SLC7A4: variants seen among roughly 807,000 people sequenced by gnomAD.
SLC7A4 encodes the protein cationic amino acid transporter 4.
SLC7A4 carries 30 observed loss-of-function variants against 37.8 expected under a neutral mutation model. That is an observed-to-expected ratio of 0.79 (90% CI 0.59 to 1.08). The LOEUF (loss-of-function observed/expected upper bound fraction) is 1.08, where lower values mean the gene tolerates loss of function less well. Among genes scored for constraint, SLC7A4 ranks in the 50% least tolerant of loss-of-function variants. SLC7A4 has a pLI of 0.00. For synonymous variants in SLC7A4, 359 were observed against 376.5 expected (o/e 0.95, Z 0.54); for missense variants, 839 against 843.2 (o/e 1.00, Z 0.06).
At position 21,031,627 on chromosome 22, in the gene SLC7A4, C is replaced by G. The variant is rs915109875; in HGVS notation, c.186G>C (p.Val62=). ...GSGLYVLTGA[V]AKEVAGPAVL... ...CAGCAGGGCCAGCCACCTCCTTGGC[C>G]ACGGCACCTGTGAGCACGTAGAGAC... Residue 62 remains valine, a synonymous_variant, in exon 2 of 5, where the codon GTG becomes GTC. Transcript: ENST00000382932. The G allele has an allele frequency of 6.2e-7, 1 of 1,609,326 alleles. No individual in the cohort carries two copies. The highest frequency in any genetic ancestry group is 8.5e-7 in the Non-Finnish European group (1 of 1,177,888).
Position 21,031,720 on chromosome 22 carries a change from C to T in SLC7A4, c.93G>A (p.Thr31=), listed in dbSNP as rs746364397. The T allele has an allele frequency of 1.6e-5, 25 of 1,612,144 alleles. No homozygotes were observed. The highest frequency in any genetic ancestry group is 2.2e-5 in the East Asian group (1 of 44,862). Residue 31 remains threonine (T), a synonymous_variant, in exon 2 of 5, where the codon ACG becomes ACA. Coordinates refer to ENST00000382932, the MANE Select transcript of SLC7A4 (RefSeq NM_004173.3). The stretch of plus-strand genomic sequence containing the variant: ...GCGTGGACAGGCAGCGCCGCAGTGA[C>T]GTCTCCATGGTGGAGTCCTCCAGCG... The part of the protein sequence containing the change: ...LKPLEDSTME[T]SLRRCLSTLD...
chr22:21,030,346 T>C lies in SLC7A4; in HGVS notation c.988A>G (p.Asn330Asp). 2 of 1,601,426 alleles carry C rather than the reference T, an allele frequency of 1.2e-6. No individual in the cohort carries two copies. Among genetic ancestry groups the C allele is most frequent in the Non-Finnish European group, 1.7e-6 (2 of 1,172,078 alleles). ...IVAAGSICAM[N>D]TVLLSLLFSL... Reference sequence around the variant, plus strand: ...AAGAGGAGGCTGAGCAGGACGGTGTTCATGGCTGTAGCAGAGAGAGTGGGG... The same window carrying C: ...AAGAGGAGGCTGAGCAGGACGGTGTCCATGGCTGTAGCAGAGAGAGTGGGG... The change falls in exon 3 of 5, where the codon AAC becomes GAC. Residue 330 changes from asparagine to aspartate, a missense_variant. Physicochemically the swap from Asn to Asp is conservative, Grantham distance 23 (BLOSUM62 1). Transcript: ENST00000382932.
intron 2 of SLC7A4, 103 bp from the exon 3 acceptor site, chr22:21,030,454 G>C: frequency 5.2e-6 from 6 of 1,145,140 alleles, no homozygotes; most frequent in East Asian, 2.5e-5. Flanking sequence ...AAGGGCATGA[G>C]CTTGTCTGGG....
intron 2 of SLC7A4, 69 bp from the exon 3 acceptor site, chr22:21,030,420 G>A: frequency 2.0e-6 from 3 of 1,485,558 alleles, no homozygotes; most frequent in South Asian, 1.3e-5. Context: ...CTGGGGGTCG[G>A]TGCATGGGTG....
Position 21,031,453 on chromosome 22 carries a change from C to T in SLC7A4, c.360G>A (p.Trp120Ter), listed in dbSNP as rs140708764. Reference sequence around the variant, plus strand: ...CGATGATGTATTCGAGGAGAACATTCCAGCCGATGAGGAAGGCCCACAGCT... The same window carrying T: ...CGATGATGTATTCGAGGAGAACATTTCAGCCGATGAGGAAGGCCCACAGCT... ...MGELWAFLIGWNVLLEYIIGG... is the reference protein window; with the variant it reads ...MGELWAFLIG The change falls in exon 2 of 5, where the codon TGG becomes TGA. Residue 120 changes from tryptophan to a stop codon, truncating the protein, a stop_gained. Transcript: ENST00000382932. LOFTEE classifies it high-confidence loss of function. 62 of 1,601,516 alleles carry T rather than the reference C, an allele frequency of 3.9e-5. No homozygotes were observed. Among genetic ancestry groups the T allele is most frequent in the Non-Finnish European group, 5.1e-5 (60 of 1,173,954 alleles).
In SLC7A4 at chr22:21,030,141, G is replaced by A. The variant is rs754569279; in HGVS notation, c.1193C>T (p.Thr398Ile). Residue 398 changes from threonine to isoleucine, a missense_variant, in exon 3 of 5, where the codon ACA becomes ATA. By Grantham distance (89) the Thr-to-Ile change is moderately conservative. Coordinates refer to ENST00000382932, the MANE Select transcript of SLC7A4 (RefSeq NM_004173.3). Reference protein sequence around the residue: ...ESLVQFLSLGTLLAYTFVATS... With the variant: ...ESLVQFLSLGILLAYTFVATS... ...GGCCACGAATGTGTAGGCCAGGAGT[G>A]TGCCAAGGGACAGGAACTGAACCAG... is the stretch of plus-strand genomic sequence containing the variant. 1.2e-6 allele frequency: 2 copies of A among 1,613,926 alleles called. No homozygotes were observed. Among genetic ancestry groups the A allele is most frequent in the South Asian group, 1.1e-5 (1 of 91,070 alleles).
chr22:21,031,813 G>A lies in SLC7A4; in HGVS notation c.-1C>T, dbSNP rs898702048. The A allele has an allele frequency of 6.7e-7, 1 of 1,490,620 alleles. No homozygotes were observed. The highest frequency in any genetic ancestry group is 8.9e-7 in the Non-Finnish European group (1 of 1,125,550). 92.3% of individuals were successfully genotyped at this position (1,490,620 alleles called of 1,614,324 possible). On this transcript the variant is annotated 5_prime_UTR_variant, in exon 2 of 5. Coordinates refer to ENST00000382932, the MANE Select transcript of SLC7A4 (RefSeq NM_004173.3). ...CAATGGTGGGCAGCCCCCGGGCCAT[G>A]GCAGGTGGCCGAGAAGAGCACCGAG...
rs777316289 is a variant in SLC7A4, at chr22:21,030,977, G to A, written c.836C>T (p.Ala279Val). ...PLAIAISLAI[A>V]AGAYILVSTV... Reference sequence around the variant, plus strand: ...GGAGACAAGGATGTAGGCACCAGCTGCAATGGCAAGCGAGATGGCGATGGC... The same window carrying A: ...GGAGACAAGGATGTAGGCACCAGCTACAATGGCAAGCGAGATGGCGATGGC... The change falls in exon 2 of 5, where the codon GCA becomes GTA. Residue 279 changes from alanine to valine, a missense_variant. By Grantham distance (64) the Ala-to-Val change is moderately conservative (BLOSUM62 0). Transcript: ENST00000382932. 6.2e-7 allele frequency: 1 copy of A among 1,614,046 alleles called. No individual in the cohort carries two copies. The highest frequency in any genetic ancestry group is 8.5e-7 in the Non-Finnish European group (1 of 1,179,974).
In SLC7A4 at chr22:21,031,655, G is replaced by T; in HGVS notation, c.158C>A (p.Ser53Ter). The T allele has an allele frequency of 1.2e-6, 2 of 1,612,910 alleles. No homozygotes were observed. Among genetic ancestry groups the T allele is most frequent in the Non-Finnish European group, 1.7e-6 (2 of 1,179,582 alleles). The change falls in exon 2 of 5, where the codon TCG becomes TAG. Residue 53 changes from serine (S) to a stop codon, truncating the protein, a stop_gained. Coordinates refer to ENST00000382932, the MANE Select transcript of SLC7A4 (RefSeq NM_004173.3). LOFTEE classifies it high-confidence loss of function. ...TLLGVGGMVG[S>*]GLYVLTGAVA... ...GGCACCTGTGAGCACGTAGAGACCC[G>T]AGCCCACCATGCCACCCACGCCCAG...
rs771794249 is a variant in SLC7A4, at chr22:21,029,699, T to C, written c.1623+12A>G. Reference sequence around the variant, plus strand: ...GGGCCGAGTGTGAGTGGGTGTTGGCTAGGGGAGGTACCTGAAATAAGTCTT... The same window carrying C: ...GGGCCGAGTGTGAGTGGGTGTTGGCCAGGGGAGGTACCTGAAATAAGTCTT... On this transcript the variant is annotated intron_variant, in intron 3 of 4. Transcript: ENST00000382932. The C allele has an allele frequency of 3.6e-5, 58 of 1,603,126 alleles. No homozygotes were observed. Among genetic ancestry groups the C allele is most frequent in the Middle Eastern group, 3.3e-4 (2 of 6,020 alleles).
chr22:21,029,476 C>T (rs562701905), intron 3 of SLC7A4, 32 bp from the exon 4 acceptor site: 44 of 1,526,402 alleles, frequency 2.9e-5, no homozygotes, highest in Non-Finnish European at 3.6e-5. Flanking sequence ...AGGGCTGGGC[C>T]GGGCTGCAGG....
At chr22:21,032,359 G>A (rs1206148981) in intron 1 of SLC7A4, among the ~76,000 whole-genome samples, 172 bp downstream of exon 1, 2 of 152,110 alleles carry the variant, frequency 1.3e-5, no homozygotes, top group East Asian at 3.9e-4. Context: ...GTATCCGCGC[G>A]CCAGGCGGAA....
At position 21,031,803 on chromosome 22, in the gene SLC7A4, C is replaced by T. The variant is rs772156428; in HGVS notation, c.10G>A (p.Gly4Arg). Residue 4 changes from glycine to arginine, a missense_variant, in exon 2 of 5, where the codon GGG becomes AGG. Physicochemically the swap from Gly to Arg is moderately radical, Grantham distance 125. Transcript: ENST00000382932. MAR[G>R]LPTIASLARL... The stretch of plus-strand genomic sequence containing the variant: ...GCCAGGCTAGCAATGGTGGGCAGCC[C>T]CCGGGCCATGGCAGGTGGCCGAGAA... 6.7e-7 allele frequency: 1 copy of T among 1,499,698 alleles called. No homozygotes were observed. The highest frequency in any genetic ancestry group is 2.3e-5 in the Admixed American group (1 of 43,428). The allele number at this position is 1,499,698 out of a possible 1,614,324, so 92.9% of individuals were successfully genotyped here.
intron 2 of SLC7A4, 34 bp from the exon 3 acceptor site, chr22:21,030,385 C>T (rs771015115): frequency 4.8e-5 from 75 of 1,562,474 alleles, no homozygotes; most frequent in African/African-American, 1.1e-4. Context: ...GTCAGCATGG[C>T]GGAGAAGCCC....
In SLC7A4 at chr22:21,031,296, C is replaced by T. The variant is rs371923256; in HGVS notation, c.517G>A (p.Ala173Thr). 2.9e-5 allele frequency: 47 copies of T among 1,609,914 alleles called. No individual in the cohort carries two copies. Among genetic ancestry groups the T allele is most frequent in the Non-Finnish European group, 3.9e-5 (46 of 1,178,066 alleles). Residue 173 changes from alanine (A) to threonine (T), a missense_variant, in exon 2 of 5, where the codon GCT (alanine) becomes ACT (threonine). By Grantham distance (58) the Ala-to-Thr change is moderately conservative. Coordinates refer to ENST00000382932, the MANE Select transcript of SLC7A4 (RefSeq NM_004173.3). ...PLLGHYPDFL[A>T]AGIILLASAF... ...GAGGCCAGGAGGATGATGCCAGCAG[C>T]CAGGAAGTCCGGGTAGTGGCCCAGG...
intron 2 of SLC7A4, 134 bp downstream of exon 2, chr22:21,030,697 A>G: frequency 1.8e-6 from 2 of 1,102,462 alleles, no homozygotes; most frequent in Non-Finnish European, 1.3e-6. Context: ...AAGAGTTTCT[A>G]ATAATTAGCA....
At position 21,030,101 on chromosome 22, in the gene SLC7A4, C is replaced by A. The variant is rs1337336124; in HGVS notation, c.1233G>T (p.Val411=). Residue 411 remains valine (V), a synonymous_variant, in exon 3 of 5, where the codon GTG becomes GTT. Transcript: ENST00000382932. ...AYTFVATSII[V]LRFQKSSPPS... ...GCGGGGAAGACTTCTGGAAGCGCAG[C>A]ACAATGATACTGGTGGCCACGAATG... The A allele has an allele frequency of 4.3e-6, 7 of 1,612,782 alleles. No homozygotes were observed. The highest frequency in any genetic ancestry group is 5.1e-6 in the Non-Finnish European group (6 of 1,179,544).
Position 21,029,293 on chromosome 22 carries a change from T to C in SLC7A4, c.1732+43A>G. 5.0e-6 allele frequency: 8 copies of C among 1,612,104 alleles called. No individual in the cohort carries two copies. In the African/African-American group the frequency reaches 5.3e-5, roughly 11 times the overall value. On this transcript the variant is annotated intron_variant, in intron 4 of 4. Transcript: ENST00000382932. ...CAGGTTCCAGCCCTTCCTGTCCTCT[T>C]TGCCCTCCTCCTGACCCCGGTCCCA...
chr22:21,030,303 A>G lies in SLC7A4; in HGVS notation c.1031T>C (p.Val344Ala), dbSNP rs1015488501. ...LSLLFSLPRI[V>A]YAMAADGLFF... is the part of the protein sequence containing the mutation. ...GAGCCCATCGGCGGCCATGGCATAG[A>G]CAATGCGTGGCAGGGAGAAGAGGAG... The change falls in exon 3 of 5, where the codon GTC becomes GCC. Residue 344 changes from valine (V) to alanine (A), a missense_variant. Transcript: ENST00000382932. The G allele has an allele frequency of 3.7e-6, 6 of 1,612,814 alleles. No homozygotes were observed. The highest frequency in any genetic ancestry group is 4.2e-6 in the Non-Finnish European group (5 of 1,179,398).
Sources: allele counts gnomAD v4.1 joint callset (sites outside exome capture counted in the v4.1 genomes callset), GRCh38; gene constraint gnomAD v4.1.1; transcripts MANE v1.5; gene names NCBI Gene and HGNC (gene_info 2026-07-23, HGNC 2026-07-21).